IGF1R: variants seen among roughly 807,000 people sequenced by gnomAD.
The protein encoded by IGF1R is insulin-like growth factor 1 receptor.
In IGF1R, 44 loss-of-function variants were observed where a neutral mutation model predicts 144.6. That is an observed-to-expected ratio of 0.30 (90% confidence interval 0.24 to 0.39). The LOEUF (loss-of-function observed/expected upper bound fraction) is 0.39, where lower values mean the gene tolerates loss of function less well. Among genes scored for constraint, IGF1R ranks in the 10% least tolerant of loss-of-function variants. The pLI is 1.00. For missense variants in IGF1R, 1,355 were observed against 1,833.7 expected (o/e 0.74, Z 4.77); for synonymous variants, 795 against 722.8 (o/e 1.10, Z -1.60).
chr15:98,827,445 C>T (rs1267575826), intron 2 of IGF1R, among the ~76,000 whole-genome samples: 5 of 152,150 alleles, frequency 3.3e-5, no homozygotes, highest in African/African-American at 4.8e-5. Flanking sequence ...AGAGCCAGGA[C>T]TAGATTTCAT....
Position 98,939,197 on chromosome 15 carries a change from A to T in IGF1R, c.3298-4A>T. The T allele has an allele frequency of 6.2e-7, 1 of 1,613,530 alleles. No individual in the cohort carries two copies. The highest frequency in any genetic ancestry group is 2.2e-5 in the East Asian group (1 of 44,892). On this transcript the variant is annotated splice_region_variant and splice_polypyrimidine_tract_variant and intron_variant, in intron 17 of 20. Coordinates refer to ENST00000650285, the MANE Select transcript of IGF1R (RefSeq NM_000875.5). ...TCATGTGAATTTTTTTAAATCTCCA[A>T]CAGAATAATCCAGTCCTAGCACCTC... is the stretch of plus-strand genomic sequence containing the variant.
Position 98,957,460 on chromosome 15 carries a change from T to G in IGF1R, c.*18T>G. ...CCTGCTGATCCTTGGATCCTGAATC[T>G]GTGCAAACAGTAACGTGTGCGCACG... On this transcript the variant is annotated 3_prime_UTR_variant, in exon 21 of 21. Transcript: ENST00000650285. The G allele has an allele frequency of 3.1e-6, 5 of 1,612,600 alleles. No homozygotes were observed. The highest frequency in any genetic ancestry group is 4.2e-6 in the Non-Finnish European group (5 of 1,179,990).
At chr15:98,660,930 C>T (rs2052583856) in intron 1 of IGF1R, among the ~76,000 whole-genome samples, 1 of 152,150 alleles carries the variant, frequency 6.6e-6, no homozygotes, top group Non-Finnish European at 1.5e-5. Flanking sequence ...GCCTGGTGGT[C>T]TCCGGAGTGG....
chr15:98,793,565 A>G (rs2056173184), intron 2 of IGF1R, among the ~76,000 whole-genome samples: 1 of 152,250 alleles, frequency 6.6e-6, no homozygotes, highest in Non-Finnish European at 1.5e-5. Flanking sequence ...CTAAAACAGG[A>G]AGAGAAGCTT....
At chr15:98,939,397 A>G (rs763042783) in intron 18 of IGF1R, 37 bp downstream of exon 18, 6 of 1,610,080 alleles carry the variant, frequency 3.7e-6, no homozygotes, top group Non-Finnish European at 5.1e-6. Context: ...GCAAGAACTA[A>G]ACTCAGGTGT....
chr15:98,923,554 A>T (rs556770716), intron 11 of IGF1R, among the ~76,000 whole-genome samples: 35 of 152,256 alleles, frequency 2.3e-4, no homozygotes, highest in Admixed American at 9.2e-4. Context: ...GGTTGCCAAG[A>T]TTTTCCTGCT....
chr15:98,712,317 C>T (rs1275858508), intron 2 of IGF1R, among the ~76,000 whole-genome samples: 1 of 152,198 alleles, frequency 6.6e-6, no homozygotes, highest in Non-Finnish European at 1.5e-5. Context: ...ACGAGCATTT[C>T]ACTACAGCCT....
intron 2 of IGF1R, among the ~76,000 whole-genome samples, chr15:98,870,319 G>C (rs938248440): frequency 1.3e-5 from 2 of 152,198 alleles, no homozygotes; most frequent in Admixed American, 6.5e-5. Flanking sequence ...TTGTAAACAC[G>C]ATCAGTGCTT....
rs188708235 is a variant in IGF1R, at chr15:98,667,196, A to C, written c.94+17521A>C. Among the ~76,000 whole-genome samples the C allele has an allele frequency of 7.9e-5, 12 of 152,240 alleles. No individual in the cohort carries two copies. In the East Asian group the frequency reaches 2.3e-3, roughly 29 times the overall value. ...GAGTCAAACTCATGCCACCGTAGTC[A>C]CAAATGAAATTTATTGCTAATCAGC... On this transcript the variant is annotated intron_variant, in intron 1 of 20. Coordinates refer to ENST00000650285, the MANE Select transcript of IGF1R (RefSeq NM_000875.5).
chr15:98,837,627 C>T (rs1350804478), intron 2 of IGF1R, among the ~76,000 whole-genome samples: 1 of 150,890 alleles, frequency 6.6e-6, no homozygotes, highest in African/African-American at 2.4e-5. Flanking sequence ...CACAACTGGC[C>T]AAGGTCCTGT....
intron 2 of IGF1R, among the ~76,000 whole-genome samples, chr15:98,746,279 C>T (rs902421895): frequency 3.9e-5 from 6 of 152,148 alleles, no homozygotes; most frequent in African/African-American, 7.2e-5. Context: ...GAGTGACACA[C>T]CTCAGTGTAC....
At chr15:98,946,239 C>G (rs2016549828) in intron 19 of IGF1R, among the ~76,000 whole-genome samples, 1 of 151,768 alleles carries the variant, frequency 6.6e-6, no homozygotes, top group Non-Finnish European at 1.5e-5. Context: ...AGTGGGAATG[C>G]TGGGCAGGCA....
intron 1 of IGF1R, among the ~76,000 whole-genome samples, chr15:98,687,841 T>C (rs1223888191): frequency 6.6e-6 from 1 of 152,224 alleles, no homozygotes; most frequent in Non-Finnish European, 1.5e-5. Flanking sequence ...CTTCAGATTT[T>C]TGTCTTTGCC....
In IGF1R at chr15:98,787,396, G is replaced by A. The variant is rs1944358958; in HGVS notation, c.640+79289G>A. ...CACAAAACCACCCACCTTAAATTAT[G>A]AAACTTTCAGGCTGACTAAATCCTG... is the stretch of plus-strand genomic sequence containing the variant. On this transcript the variant is annotated intron_variant, in intron 2 of 20. Transcript: ENST00000650285. Among the ~76,000 whole-genome samples the A allele has an allele frequency of 2.0e-5, 3 of 152,172 alleles. No homozygotes were observed. In the South Asian group the frequency reaches 6.2e-4, roughly 31 times the overall value.
intron 2 of IGF1R, among the ~76,000 whole-genome samples, chr15:98,826,565 A>G (rs1336622181): frequency 1.3e-5 from 2 of 152,208 alleles, no homozygotes; most frequent in Non-Finnish European, 2.9e-5. Context: ...TTTAGGCTAT[A>G]AATCTAGACT....
rs2052272083 is a variant in IGF1R at position 98,649,104 on chromosome 15, T to A, written c.-478T>A. 4.6e-6 allele frequency: 1 copy of A among 218,516 alleles called. No individual in the cohort carries two copies. The allele number at this position is 218,516 out of a possible 1,614,324, so 13.5% of individuals were successfully genotyped here. On this transcript the variant is annotated 5_prime_UTR_variant, in exon 1 of 21. Coordinates refer to ENST00000650285, the MANE Select transcript of IGF1R (RefSeq NM_000875.5). ...TTCTGCCCCTCGCCGGCCTCGCCTGTGACCCGGACTTCGGGGCGATCTTGC... is the reference window on the plus strand; with the variant it reads ...TTCTGCCCCTCGCCGGCCTCGCCTGAGACCCGGACTTCGGGGCGATCTTGC...
chr15:98,690,153 A>G (rs1296608519), intron 1 of IGF1R, among the ~76,000 whole-genome samples: 1 of 152,130 alleles, frequency 6.6e-6, no homozygotes, highest in African/African-American at 2.4e-5. Flanking sequence ...ACCAGCCTGG[A>G]CAACATAGGG....
chr15:98,675,810 TTTTC>T (rs202088907), intron 1 of IGF1R, among the ~76,000 whole-genome samples: 74,090 of 115,128 alleles, frequency 0.64, 27,223 homozygotes, highest in East Asian at 0.82. Flanking sequence ...CTTTTCTTTT[TTTTC>T]TTTCTTTCTT....
chr15:98,943,777 C>G (rs1408567537), intron 19 of IGF1R, among the ~76,000 whole-genome samples: 3 of 152,200 alleles, frequency 2.0e-5, no homozygotes, highest in Non-Finnish European at 4.4e-5. Flanking sequence ...TCTTGGCTTT[C>G]CTCTGGGGGG....
Sources: allele counts gnomAD v4.1 joint callset (sites outside exome capture counted in the v4.1 genomes callset), GRCh38; gene constraint gnomAD v4.1.1; transcripts MANE v1.5; gene names NCBI Gene and HGNC (gene_info 2026-07-23, HGNC 2026-07-21).